Variants in DLG2 observed in about 807,000 individuals in gnomAD.
DLG2 encodes the protein discs large MAGUK scaffold protein 2.
Under a neutral mutation model 132.5 loss-of-function variants are expected in DLG2, and 45 were observed. The observed-to-expected ratio is 0.34, with a 90% CI of 0.27 to 0.44. The LOEUF is 0.44. Ranked by LOEUF, DLG2 falls within the 20% of genes least tolerant of loss-of-function variation. The pLI is 1.00. For synonymous variants in DLG2, 424 were observed against 419.6 expected, an observed-to-expected ratio of 1.01 and a Z score of -0.13; for missense variants, 1,045 against 1,196.9, an observed-to-expected ratio of 0.87 and a Z score of 1.87.
chr11:83,820,981 T>C (rs1025552339), intron 17 of DLG2, among the ~76,000 whole-genome samples: 5 of 152,164 alleles, frequency 3.3e-5, no homozygotes, highest in African/African-American at 1.2e-4. Context: ...GAACAAAATC[T>C]CCAAAAGCTT....
At chr11:83,876,129 C>T (rs954051173) in intron 15 of DLG2, among the ~76,000 whole-genome samples, 4 of 152,150 alleles carry the variant, frequency 2.6e-5, no homozygotes, top group African/African-American at 4.8e-5. Flanking sequence ...TTACTTAAAT[C>T]GCTCTGTATG....
chr11:84,991,863 G>A (rs1044199668), intron 6 of DLG2, among the ~76,000 whole-genome samples: 11 of 152,046 alleles, frequency 7.2e-5, no homozygotes, highest in African/African-American at 2.7e-4. Flanking sequence ...CTTATGTTTG[G>A]AATCTTTCAA....
chr11:84,691,857 CTTTA>C (rs775097765), intron 6 of DLG2, among the ~76,000 whole-genome samples: 1 of 151,614 alleles, frequency 6.6e-6, no homozygotes, highest in Non-Finnish European at 1.5e-5. Context: ...TCATTCAATA[CTTTA>C]CTCTTGCCTT....
At chr11:84,580,675 A>G (rs1376567620) in intron 6 of DLG2, among the ~76,000 whole-genome samples, 4 of 152,226 alleles carry the variant, frequency 2.6e-5, no homozygotes, top group Non-Finnish European at 5.9e-5. Flanking sequence ...CCATTGAAAC[A>G]CTAAAACGTG....
chr11:84,938,393 A>G (rs2048997406), intron 6 of DLG2, among the ~76,000 whole-genome samples: 1 of 152,190 alleles, frequency 6.6e-6, no homozygotes, highest in African/African-American at 2.4e-5. Flanking sequence ...ATCATAAATT[A>G]TGAATTTAAT....
At chr11:84,943,157 TGTGTGTGTGC>T (rs1386764661) in intron 6 of DLG2, among the ~76,000 whole-genome samples, 1 of 139,392 alleles carries the variant, frequency 7.2e-6, no homozygotes, top group Non-Finnish European at 1.5e-5. Flanking sequence ...TTGGGTCGTG[TGTGTGTGTGC>T]GTGTGTGTGT....
intron 6 of DLG2, among the ~76,000 whole-genome samples, chr11:85,047,081 G>A (rs2062419416): frequency 6.6e-6 from 1 of 151,998 alleles, no homozygotes; most frequent in Admixed American, 6.6e-5. Flanking sequence ...ATGTAGGTGA[G>A]TTCTATTTTC....
At chr11:83,610,457 G>T (rs1038937073) in intron 19 of DLG2, among the ~76,000 whole-genome samples, 1 of 152,186 alleles carries the variant, frequency 6.6e-6, no homozygotes, top group Non-Finnish European at 1.5e-5. Flanking sequence ...AACATCTGTG[G>T]AACCCTGTGA....
At chr11:84,252,206 C>T (rs1420318634) in intron 7 of DLG2, among the ~76,000 whole-genome samples, 1 of 119,118 alleles carries the variant, frequency 8.4e-6, no homozygotes, top group Non-Finnish European at 1.6e-5. Context: ...CTGGAGTGTG[C>T]AGTGGTGCAA....
intron 3 of DLG2, among the ~76,000 whole-genome samples, chr11:85,444,797 T>C (rs2091934783): frequency 6.6e-6 from 1 of 152,238 alleles, no homozygotes; most frequent in Non-Finnish European, 1.5e-5. Flanking sequence ...GTTAAGTTGG[T>C]ACAAAAGTAA....
At chr11:84,330,697 A>G (rs2098454502) in intron 7 of DLG2, among the ~76,000 whole-genome samples, 1 of 152,216 alleles carries the variant, frequency 6.6e-6, no homozygotes, top group Non-Finnish European at 1.5e-5. Flanking sequence ...ATTACCATGA[A>G]ACAATGTGTC....
At chr11:84,589,731 G>T (rs974995578) in intron 6 of DLG2, among the ~76,000 whole-genome samples, 13 of 152,098 alleles carry the variant, frequency 8.5e-5, no homozygotes, top group African/African-American at 2.9e-4. Flanking sequence ...GAGGACAGGG[G>T]TCATGTCTTA....
chr11:84,242,597 G>A (rs141077722), intron 8 of DLG2, among the ~76,000 whole-genome samples: 2,801 of 152,048 alleles, frequency 0.018, 88 homozygotes, highest in African/African-American at 0.064. Flanking sequence ...TTAGAGACAC[G>A]GTTTCACCAT....
intron 4 of DLG2, among the ~76,000 whole-genome samples, chr11:85,156,739 A>G (rs912199208): frequency 2.6e-5 from 4 of 152,214 alleles, no homozygotes; most frequent in African/African-American, 9.6e-5. Context: ...CGGCACATCC[A>G]CCATCATAGA....
intron 7 of DLG2, among the ~76,000 whole-genome samples, chr11:84,464,817 C>A (rs1217732896): frequency 6.6e-6 from 1 of 151,040 alleles, no homozygotes; most frequent in Non-Finnish European, 1.5e-5. Context: ...CACATATCTA[C>A]ATACAAATAT....
chr11:84,741,429 T>C (rs758739334), intron 6 of DLG2, among the ~76,000 whole-genome samples: 3 of 152,014 alleles, frequency 2.0e-5, no homozygotes, highest in Non-Finnish European at 4.4e-5. Context: ...GCCAACCTAC[T>C]GTGTGTATAC....
At chr11:84,966,359 A>G (rs1236357499) in intron 6 of DLG2, among the ~76,000 whole-genome samples, 2 of 152,078 alleles carry the variant, frequency 1.3e-5, no homozygotes, top group African/African-American at 4.8e-5. Flanking sequence ...CATCTTTCTC[A>G]CATAATATGT....
chr11:85,184,348 CTT>C (rs532066686), intron 4 of DLG2, among the ~76,000 whole-genome samples: 11 of 141,638 alleles, frequency 7.8e-5, no homozygotes, highest in Admixed American at 7.1e-5. Context: ...AGAGATTTTC[CTT>C]TTTTTTTTTT....
At chr11:83,652,184 GC>G (rs2070750388) in intron 18 of DLG2, among the ~76,000 whole-genome samples, 1 of 152,152 alleles carries the variant, frequency 6.6e-6, no homozygotes, top group African/African-American at 2.4e-5. Context: ...CCAGCTTGGA[GC>G]CACAAAGCAG....
Sources: allele counts gnomAD v4.1 joint callset (sites outside exome capture counted in the v4.1 genomes callset), GRCh38; gene constraint gnomAD v4.1.1; transcripts MANE v1.5; gene names NCBI Gene and HGNC (gene_info 2026-07-23, HGNC 2026-07-21).